Variants in DACH1 observed in about 807,000 individuals in gnomAD.
DACH1 encodes dachshund family transcription factor 1.
In DACH1, 12 loss-of-function variants were observed where a neutral mutation model predicts 54.2. The observed-to-expected ratio is 0.22, with a 90% CI of 0.14 to 0.36. DACH1 has a LOEUF of 0.36. Ranked by LOEUF, DACH1 falls within the 10% of genes least tolerant of loss-of-function variation. The pLI is 1.00. For synonymous variants in DACH1, 386 were observed against 366.2 expected (o/e 1.05, Z -0.62); for missense variants, 805 against 929.8 (o/e 0.87, Z 1.75).
intron 1 of DACH1, among the ~76,000 whole-genome samples, chr13:71,809,382 G>A (rs1329940927): frequency 6.6e-6 from 1 of 151,976 alleles, no homozygotes; most frequent in East Asian, 1.9e-4. Flanking sequence ...TGTTGCCCAG[G>A]CTTGTCTCGA....
chr13:71,756,354 A>G (rs1885156130), intron 1 of DACH1, among the ~76,000 whole-genome samples: 1 of 151,990 alleles, frequency 6.6e-6, no homozygotes, highest in Non-Finnish European at 1.5e-5. Flanking sequence ...CAAGACATTT[A>G]AAAGTATACT....
intron 1 of DACH1, among the ~76,000 whole-genome samples, chr13:71,755,722 A>G (rs958528276): frequency 6.6e-6 from 1 of 152,206 alleles, no homozygotes; most frequent in Non-Finnish European, 1.5e-5. Flanking sequence ...ATTACTATCT[A>G]AGAATAGAGA....
At chr13:71,668,459 G>A (rs1352240064) in intron 2 of DACH1, among the ~76,000 whole-genome samples, 3 of 151,960 alleles carry the variant, frequency 2.0e-5, no homozygotes, top group African/African-American at 7.3e-5. Flanking sequence ...TGAATAGAAT[G>A]ATATTCAATC....
At chr13:71,727,218 T>A (rs1046105591) in intron 1 of DACH1, among the ~76,000 whole-genome samples, 9 of 152,092 alleles carry the variant, frequency 5.9e-5, no homozygotes, top group Non-Finnish European at 8.8e-5. Context: ...GGATTCTCAT[T>A]TGCATATTGC....
At chr13:71,531,486 G>A (rs1429525191) in intron 6 of DACH1, among the ~76,000 whole-genome samples, 2 of 151,920 alleles carry the variant, frequency 1.3e-5, no homozygotes, top group African/African-American at 4.8e-5. Flanking sequence ...CCTCTAGAAT[G>A]AATTCTGAAA....
At chr13:71,661,366 T>C (rs1423586984) in intron 2 of DACH1, among the ~76,000 whole-genome samples, 2 of 151,746 alleles carry the variant, frequency 1.3e-5, no homozygotes, top group Non-Finnish European at 2.9e-5. Context: ...CAAATTAAAG[T>C]AGCAGGAAAA....
intron 2 of DACH1, among the ~76,000 whole-genome samples, chr13:71,657,646 G>A (rs1354131178): frequency 7.3e-5 from 11 of 149,872 alleles, no homozygotes; most frequent in African/African-American, 2.7e-4. Flanking sequence ...TGACTTTCTA[G>A]TGGAGACCCA....
intron 2 of DACH1, among the ~76,000 whole-genome samples, chr13:71,642,942 A>T (rs1247699092): frequency 6.6e-6 from 1 of 152,010 alleles, no homozygotes; most frequent in Non-Finnish European, 1.5e-5. Flanking sequence ...GGAGAATGGC[A>T]TGAACCTGGG....
intron 2 of DACH1, among the ~76,000 whole-genome samples, chr13:71,660,627 C>T (rs1879425608): frequency 6.6e-6 from 1 of 151,934 alleles, no homozygotes; most frequent in Non-Finnish European, 1.5e-5. Flanking sequence ...CATGGTACTA[C>T]ATGTACCACA....
intron 6 of DACH1, among the ~76,000 whole-genome samples, chr13:71,523,715 C>T (rs1881758739): frequency 6.6e-6 from 1 of 151,930 alleles, no homozygotes; most frequent in Non-Finnish European, 1.5e-5. Context: ...TGAAAAGTTC[C>T]CCAATGTGTG....
At chr13:71,685,351 C>A (rs567254217) in intron 1 of DACH1, among the ~76,000 whole-genome samples, 42 of 152,186 alleles carry the variant, frequency 2.8e-4, no homozygotes, top group Non-Finnish European at 5.1e-4. Flanking sequence ...GTGGTAACAC[C>A]CTAAAGCCAT....
chr13:71,549,096 T>C (rs769110000), intron 6 of DACH1, among the ~76,000 whole-genome samples: 14 of 151,780 alleles, frequency 9.2e-5, no homozygotes, highest in Non-Finnish European at 1.9e-4. Flanking sequence ...AATATGCTAG[T>C]AAATTGCAGG....
chr13:71,484,417 T>C (rs974037427), intron 7 of DACH1, among the ~76,000 whole-genome samples: 12 of 152,182 alleles, frequency 7.9e-5, no homozygotes, highest in African/African-American at 2.9e-4. Flanking sequence ...TCTTATTGCC[T>C]CAGCCTCCCA....
intron 1 of DACH1, among the ~76,000 whole-genome samples, chr13:71,692,761 T>C (rs1881586803): frequency 6.6e-6 from 1 of 152,040 alleles, no homozygotes; most frequent in African/African-American, 2.4e-5. Flanking sequence ...GACCTCTTGA[T>C]CCGCCCATCT....
intron 2 of DACH1, among the ~76,000 whole-genome samples, chr13:71,632,841 GTCTCAACTTGAACTGAT>G (rs1242682505): frequency 6.6e-6 from 1 of 152,092 alleles, no homozygotes; most frequent in African/African-American, 2.4e-5. Context: ...TGCCTTTTAA[GTCTCAACTTGAACTGAT>G]TCTCTCATCT....
intron 1 of DACH1, among the ~76,000 whole-genome samples, chr13:71,804,614 A>C (rs1326382274): frequency 6.6e-6 from 1 of 152,180 alleles, no homozygotes. Context: ...CATTAGCTAC[A>C]TGATTGGACC....
At chr13:71,696,996 CA>C (rs1208976297) in intron 1 of DACH1, among the ~76,000 whole-genome samples, 2 of 152,156 alleles carry the variant, frequency 1.3e-5, no homozygotes, top group African/African-American at 4.8e-5. Flanking sequence ...CAAACATCCC[CA>C]TGTCTCACCT....
intron 1 of DACH1, among the ~76,000 whole-genome samples, chr13:71,809,831 A>G (rs917871965): frequency 6.6e-6 from 1 of 152,194 alleles, no homozygotes; most frequent in Non-Finnish European, 1.5e-5. Flanking sequence ...TGAAGGTCTC[A>G]GTTCTAAAGG....
intron 10 of DACH1, among the ~76,000 whole-genome samples, chr13:71,455,334 G>A (rs1394363459): frequency 7.9e-5 from 12 of 151,854 alleles, no homozygotes; most frequent in Admixed American, 5.9e-4. Context: ...CATATATGGA[G>A]TCTATATAGA....
Sources: allele counts gnomAD v4.1 joint callset (sites outside exome capture counted in the v4.1 genomes callset), GRCh38; gene constraint gnomAD v4.1.1; transcripts MANE v1.5; gene names NCBI Gene and HGNC (gene_info 2026-07-23, HGNC 2026-07-21).